The following TAF13 variants were observed in gnomAD, a reference collection of about 807,000 sequenced individuals.
TAF13 encodes the protein transcription initiation factor TFIID subunit 13.
TAF13 carries 9 observed loss-of-function variants against 18.7 expected under a neutral mutation model. The observed-to-expected ratio is 0.48, with a 90% confidence interval of 0.29 to 0.84. The LOEUF is 0.84. TAF13 is among the 40% of genes least tolerant of loss of function. The pLI is 0.08. For synonymous variants in TAF13, 49 were observed against 44.1 expected (o/e 1.11, Z -0.44); for missense variants, 105 against 146.5 (o/e 0.72, Z 1.46).
chr1:109,075,684 A>T (rs918981496), intron 1 of TAF13, among the ~76,000 whole-genome samples: 7 of 152,062 alleles, frequency 4.6e-5, no homozygotes, highest in African/African-American at 1.7e-4. Flanking sequence ...ATGATTCTGT[A>T]CGTGTTTCAG....
rs1023119096 is a variant in TAF13 at position 109,064,319 on chromosome 1, G to C, written c.*204C>G. The C allele has an allele frequency of 7.7e-5, 30 of 387,336 alleles. No homozygotes were observed. The highest frequency in any genetic ancestry group is 4.8e-4 in the African/African-American group (23 of 48,078). The allele number at this position is 387,336 out of a possible 1,614,324, so 24.0% of individuals were successfully genotyped here. The stretch of plus-strand genomic sequence containing the variant: ...ATGTGTGGTCATTAAAACCCAGTAA[G>C]TAATTCAAGTATGGTAATATAAAGG... On this transcript the variant is annotated 3_prime_UTR_variant, in exon 4 of 4. Transcript: ENST00000338366.
Position 109,064,588 on chromosome 1 carries a change from G to T in TAF13, c.310C>A (p.Leu104Ile), listed in dbSNP as rs1237186135. Residue 104 changes from leucine to isoleucine, a missense_variant, in exon 4 of 4, where the codon CTT becomes ATT. Leu to Ile is a conservative substitution (Grantham distance 5). Coordinates refer to ENST00000338366, the MANE Select transcript of TAF13 (RefSeq NM_005645.4). The part of the protein sequence containing the change: ...PRKFARVKDL[L>I]TMNEELKRAR... ...CGTTTCAATTCTTCATTCATAGTAAGCAAGTCTTTAACCCTGGCAAACTTC... is the reference window on the plus strand; with the variant it reads ...CGTTTCAATTCTTCATTCATAGTAATCAAGTCTTTAACCCTGGCAAACTTC... 1.3e-6 allele frequency: 2 copies of T among 1,578,766 alleles called. No individual in the cohort carries two copies. The highest frequency in any genetic ancestry group is 2.7e-5 in the African/African-American group (2 of 73,450).
chr1:109,075,773 TA>T, intron 1 of TAF13, 147 bp downstream of exon 1: 1 of 1,024,642 alleles, frequency 9.8e-7, no homozygotes, highest in South Asian at 1.5e-5. Flanking sequence ...CCCCACTTTC[TA>T]AAATGATCAA....
chr1:109,070,170 A>T (rs888889408), intron 2 of TAF13, among the ~76,000 whole-genome samples: 2 of 152,168 alleles, frequency 1.3e-5, no homozygotes, highest in Non-Finnish European at 2.9e-5. Context: ...GTTCCCTCGA[A>T]TCCGATAGTT....
chr1:109,066,941 G>A (rs754138764), intron 2 of TAF13, among the ~76,000 whole-genome samples: 2 of 151,932 alleles, frequency 1.3e-5, no homozygotes, highest in Non-Finnish European at 2.9e-5. Context: ...GGATGGTCTC[G>A]ATGATCTGAC....
rs1000121332 is a variant in TAF13 at position 109,075,839 on chromosome 1, G to C, written c.27+82C>G. ...TCCGCTGAATTCACTAAGGCAAGCA[G>C]ACCCGATCCTGAACTCTGCCTCCGC... On this transcript the variant is annotated intron_variant, in intron 1 of 3. Transcript: ENST00000338366. 5.7e-6 allele frequency: 9 copies of C among 1,588,424 alleles called. No individual in the cohort carries two copies. In the African/African-American group the frequency reaches 1.1e-4, roughly 19 times the overall value.
chr1:109,070,897 G>A (rs1664038610), intron 2 of TAF13, among the ~76,000 whole-genome samples: 1 of 152,130 alleles, frequency 6.6e-6, no homozygotes, highest in South Asian at 2.1e-4. Flanking sequence ...TTCTTATGCT[G>A]ACCTAATAAG....
chr1:109,070,684 G>A (rs1000458207), intron 2 of TAF13, among the ~76,000 whole-genome samples: 1 of 151,786 alleles, frequency 6.6e-6, no homozygotes. Flanking sequence ...ATGAGCCACC[G>A]TACCCAGTCC....
chr1:109,071,957 A>AAC (rs1268379958), intron 2 of TAF13, among the ~76,000 whole-genome samples: 11 of 87,860 alleles, frequency 1.3e-4, no homozygotes, highest in African/African-American at 5.6e-4. Context: ...TCAAAAAGAA[A>AAC]ATATATATAT....
intron 2 of TAF13, among the ~76,000 whole-genome samples, chr1:109,066,579 C>T (rs1373483001): frequency 2.0e-5 from 3 of 152,194 alleles, no homozygotes; most frequent in Admixed American, 6.6e-5. Context: ...CAGACAGCAA[C>T]AGCTTAGCCT....
rs201682049 is a variant in TAF13, at chr1:109,075,933, T to C, written c.15A>G (p.Glu5=). The C allele has an allele frequency of 8.1e-6, 13 of 1,614,232 alleles. No homozygotes were observed. The African/African-American group carries it at 1.6e-4, about 20-fold the overall frequency. Reference sequence around the variant, plus strand: ...GACGGTCACTCACCGTGGGGTCTTCTTCCTCATCTGCCATCCCACTAGCAC... The same window carrying C: ...GACGGTCACTCACCGTGGGGTCTTCCTCCTCATCTGCCATCCCACTAGCAC... MADE[E]EDPTFEEENE... The change falls in exon 1 of 4, where the codon GAA becomes GAG. Residue 5 remains glutamate (E), a synonymous_variant. Coordinates refer to ENST00000338366, the MANE Select transcript of TAF13 (RefSeq NM_005645.4).
Position 109,064,679 on chromosome 1 carries a change from C to T in TAF13, c.219G>A (p.Met73Ile). The T allele has an allele frequency of 6.6e-7, 1 of 1,519,482 alleles. No homozygotes were observed. Among genetic ancestry groups the T allele is most frequent in the East Asian group, 2.5e-5 (1 of 40,546 alleles). 94.1% of individuals were successfully genotyped at this position (1,519,482 alleles called of 1,614,324 possible). The change falls in exon 4 of 4, where the codon ATG becomes ATA. Residue 73 changes from methionine to isoleucine, a missense_variant. Transcript: ENST00000338366. ...GTACTCGACCTTGTCTTCCAATTGACATTGCCTTGTGAGTCTATTACAAAG... is the reference window on the plus strand; with the variant it reads ...GTACTCGACCTTGTCTTCCAATTGATATTGCCTTGTGAGTCTATTACAAAG... Reference protein sequence around the residue: ...EFITEMTHKAMSIGRQGRVQV... With the variant: ...EFITEMTHKAISIGRQGRVQV...
rs1557983627 is a variant in TAF13 at position 109,064,673 on chromosome 1, A to G, written c.225T>C (p.Ile75=). The change falls in exon 4 of 4, where the codon ATT becomes ATC. Residue 75 remains isoleucine, a synonymous_variant. Coordinates refer to ENST00000338366, the MANE Select transcript of TAF13 (RefSeq NM_005645.4). The stretch of plus-strand genomic sequence containing the variant: ...CAACTTGTACTCGACCTTGTCTTCC[A>G]ATTGACATTGCCTTGTGAGTCTATT... The part of the protein sequence containing the change: ...ITEMTHKAMS[I]GRQGRVQVED... 2.0e-6 allele frequency: 3 copies of G among 1,527,116 alleles called. No individual in the cohort carries two copies. The highest frequency in any genetic ancestry group is 2.8e-5 in the African/African-American group (2 of 71,554). 94.6% of individuals were successfully genotyped at this position (1,527,116 alleles called of 1,614,324 possible).
intron 3 of TAF13, among the ~76,000 whole-genome samples, chr1:109,065,802 A>C (rs1663942232): frequency 6.6e-6 from 1 of 151,848 alleles, no homozygotes; most frequent in Non-Finnish European, 1.5e-5. Context: ...CATGCCTGTA[A>C]TCCCAGCTCC....
intron 2 of TAF13, among the ~76,000 whole-genome samples, chr1:109,067,332 GT>G (rs1234387577): frequency 2.6e-5 from 4 of 152,122 alleles, no homozygotes; most frequent in African/African-American, 9.6e-5. Context: ...GGCCTGGATG[GT>G]GGCTCACGCC....
chr1:109,074,658 T>C (rs1310526685), intron 2 of TAF13, among the ~76,000 whole-genome samples: 2 of 151,962 alleles, frequency 1.3e-5, no homozygotes, highest in African/African-American at 4.8e-5. Flanking sequence ...CCGGCGCCAG[T>C]AGTCCCAGCT....
At position 109,064,180 on chromosome 1, in the gene TAF13, A is replaced by AAAAAC. The variant is rs1171410761; in HGVS notation, c.*342_*343insGTTTT. 2 of 154,178 alleles carry AAAAAC rather than the reference A, an allele frequency of 1.3e-5. No individual in the cohort carries two copies. The highest frequency in any genetic ancestry group is 2.8e-5 in the Non-Finnish European group (2 of 70,234). 9.6% of individuals were successfully genotyped at this position (154,178 alleles called of 1,614,324 possible). ...TCAAAAAAAAAAAAAAAAAAAAAAA[A>AAAAAC]AGCTACAGTATAGCTTACAAGGGCA... On this transcript the variant is annotated 3_prime_UTR_variant, in exon 4 of 4. Coordinates refer to ENST00000338366, the MANE Select transcript of TAF13 (RefSeq NM_005645.4).
At chr1:109,073,156 C>T (rs1664104920) in intron 2 of TAF13, among the ~76,000 whole-genome samples, 1 of 152,166 alleles carries the variant, frequency 6.6e-6, no homozygotes, top group South Asian at 2.1e-4. Context: ...TCAAAGAAGC[C>T]TCTCTACTGC....
At chr1:109,073,783 C>A (rs1165599540) in intron 2 of TAF13, among the ~76,000 whole-genome samples, 1 of 152,240 alleles carries the variant, frequency 6.6e-6, no homozygotes, top group Non-Finnish European at 1.5e-5. Flanking sequence ...TGCCCGGCTG[C>A]CACCCCGTCT....
Sources: allele counts gnomAD v4.1 joint callset (sites outside exome capture counted in the v4.1 genomes callset), GRCh38; gene constraint gnomAD v4.1.1; transcripts MANE v1.5; gene names NCBI Gene and HGNC (gene_info 2026-07-23, HGNC 2026-07-21).